The following CNOT6 variants were observed in gnomAD, a reference collection of about 807,000 sequenced individuals.
The protein encoded by CNOT6 is carbon catabolite repression 4 protein.
Under a neutral mutation model 61.2 loss-of-function variants are expected in CNOT6, and 12 were observed. The ratio of observed to expected loss-of-function variants is 0.20; its 90% CI spans 0.13 to 0.32. The LOEUF (loss-of-function observed/expected upper bound fraction) is 0.32. CNOT6 is among the 10% of genes least tolerant of loss of function. CNOT6 has a pLI of 1.00. For missense variants in CNOT6, 405 were observed against 663.9 expected, an observed-to-expected ratio of 0.61 and a Z score of 4.28; for synonymous variants, 225 against 240.6, an observed-to-expected ratio of 0.94 and a Z score of 0.60.
At chr5:180,546,130 A>C (rs1327851782) in intron 2 of CNOT6, among the ~76,000 whole-genome samples, 2 of 151,960 alleles carry the variant, frequency 1.3e-5, no homozygotes, top group East Asian at 3.9e-4. Context: ...TCCTGACCTC[A>C]TGATCCACCC....
chr5:180,503,327 A>G (rs774674005), intron 1 of CNOT6, among the ~76,000 whole-genome samples: 4 of 149,874 alleles, frequency 2.7e-5, no homozygotes, highest in Non-Finnish European at 4.4e-5. Flanking sequence ...GCAGTGGAGC[A>G]ATCTCGGCTC....
chr5:180,574,358 G>A lies in CNOT6; in HGVS notation c.*158G>A, dbSNP rs1330083160. On this transcript the variant is annotated 3_prime_UTR_variant, in exon 12 of 12. Transcript: ENST00000261951. ...TAAGGATATAGTATGAAAGCCAGGT[G>A]CTAGCAACAGACAAATTCTGAGCCC... is the stretch of plus-strand genomic sequence containing the variant. 1.6e-6 allele frequency: 1 copy of A among 644,434 alleles called. No homozygotes were observed. The highest frequency in any genetic ancestry group is 2.7e-6 in the Non-Finnish European group (1 of 369,606). 39.9% of individuals were successfully genotyped at this position (644,434 alleles called of 1,614,324 possible).
intron 2 of CNOT6, among the ~76,000 whole-genome samples, chr5:180,533,312 C>CAATA: frequency 7.8e-6 from 1 of 127,642 alleles, no homozygotes; most frequent in South Asian, 2.4e-4. Flanking sequence ...GGATGAAAAC[C>CAATA]TATATATATA....
chr5:180,498,023 A>G (rs1362101309), intron 1 of CNOT6, among the ~76,000 whole-genome samples: 2 of 151,992 alleles, frequency 1.3e-5, no homozygotes, highest in Admixed American at 6.6e-5. Flanking sequence ...AGCCTGGGCA[A>G]AAAGAGTGAA....
At chr5:180,551,784 A>G (rs1480015484) in intron 3 of CNOT6, among the ~76,000 whole-genome samples, 1 of 151,088 alleles carries the variant, frequency 6.6e-6, no homozygotes, top group Non-Finnish European at 1.5e-5. Context: ...CAGCCTTTTG[A>G]CTTTTTTTTA....
chr5:180,536,269 G>T (rs1758694529), intron 2 of CNOT6, among the ~76,000 whole-genome samples: 1 of 151,968 alleles, frequency 6.6e-6, no homozygotes, highest in Non-Finnish European at 1.5e-5. Context: ...AAAGTGCTGG[G>T]ATTACAGGTG....
At chr5:180,529,677 CAT>C (rs1330067183) in intron 2 of CNOT6, among the ~76,000 whole-genome samples, 1 of 152,194 alleles carries the variant, frequency 6.6e-6, no homozygotes, top group Non-Finnish European at 1.5e-5. Context: ...GAAAATAACA[CAT>C]GTGAAGTGCT....
At chr5:180,570,975 C>T (rs986112295) in intron 10 of CNOT6, among the ~76,000 whole-genome samples, 2 of 152,196 alleles carry the variant, frequency 1.3e-5, no homozygotes, top group Non-Finnish European at 2.9e-5. Flanking sequence ...ATATTATCCA[C>T]CAGCCCAATT....
Position 180,540,386 on chromosome 5 carries a change from A to G in CNOT6, c.113-9545A>G, listed in dbSNP as rs73363236. Reference sequence around the variant, plus strand: ...GTAATATTATACCATTTCACTCATAAAAGTCTTACAACAATATACAGGCAG... The same window carrying G: ...GTAATATTATACCATTTCACTCATAGAAGTCTTACAACAATATACAGGCAG... On this transcript the variant is annotated intron_variant, in intron 2 of 11. Coordinates refer to ENST00000261951, the MANE Select transcript of CNOT6 (RefSeq NM_001370472.1). Among the ~76,000 whole-genome samples the G allele has an allele frequency of 3.8e-3, 572 of 152,328 alleles. 3 individuals are homozygous for G. Among genetic ancestry groups the G allele is most frequent in the African/African-American group, 0.013 (536 of 41,568 alleles).
chr5:180,504,512 A>G (rs867795015), intron 1 of CNOT6, among the ~76,000 whole-genome samples: 11 of 152,334 alleles, frequency 7.2e-5, no homozygotes, highest in African/African-American at 2.2e-4. Flanking sequence ...CGGGGGCAGT[A>G]AATAGATTTT....
intron 1 of CNOT6, among the ~76,000 whole-genome samples, chr5:180,499,227 G>A (rs899801060): frequency 6.6e-6 from 1 of 152,218 alleles, no homozygotes; most frequent in Non-Finnish European, 1.5e-5. Flanking sequence ...GAAGTTAAAA[G>A]CAGTCAAAAC....
chr5:180,497,320 C>T (rs560067086), intron 1 of CNOT6, among the ~76,000 whole-genome samples: 14 of 93,460 alleles, frequency 1.5e-4, no homozygotes, highest in Admixed American at 1.4e-3. Flanking sequence ...AGTGAAACTC[C>T]GTCTCAAAAA....
intron 2 of CNOT6, among the ~76,000 whole-genome samples, chr5:180,530,887 A>C (rs922298153): frequency 1.3e-5 from 2 of 152,184 alleles, no homozygotes; most frequent in African/African-American, 4.8e-5. Context: ...GTTGGGGGTA[A>C]GGTTATAGAT....
chr5:180,538,197 G>A (rs562618584), intron 2 of CNOT6, among the ~76,000 whole-genome samples: 9 of 151,680 alleles, frequency 5.9e-5, no homozygotes, highest in Admixed American at 2.6e-4. Flanking sequence ...CGCCACAACT[G>A]CCGGCTAATT....
Position 180,567,914 on chromosome 5 carries a change from C to G in CNOT6, c.938C>G (p.Ser313Cys), listed in dbSNP as rs1379032675. 6.2e-7 allele frequency: 1 copy of G among 1,614,120 alleles called. No homozygotes were observed. Among genetic ancestry groups the G allele is most frequent in the East Asian group, 2.2e-5 (1 of 44,872 alleles). ...CTAGCCATGGCAAATTCTGAGGGGT[C>G]TGAAGCTATGCTGAACAGAGTCATG... ...NQLAMANSEG[S>C]EAMLNRVMTK... Residue 313 changes from serine to cysteine, a missense_variant, in exon 9 of 12, where the codon TCT becomes TGT. By Grantham distance (112) the Ser-to-Cys change is moderately radical. Transcript: ENST00000261951.
chr5:180,570,023 G>A (rs1352698920), intron 10 of CNOT6, among the ~76,000 whole-genome samples: 1 of 152,076 alleles, frequency 6.6e-6, no homozygotes, highest in Non-Finnish European at 1.5e-5. Context: ...ACGCACATTT[G>A]GAAGCACGTT....
chr5:180,499,701 C>T (rs1004078894), intron 1 of CNOT6, among the ~76,000 whole-genome samples: 1 of 152,008 alleles, frequency 6.6e-6, no homozygotes, highest in African/African-American at 2.4e-5. Context: ...CAGTTTTACA[C>T]GTTGAATGGT....
intron 4 of CNOT6, 89 bp downstream of exon 4, chr5:180,553,560 T>G (rs1759723360): frequency 1.1e-6 from 1 of 918,850 alleles, no homozygotes; most frequent in Admixed American, 2.4e-5. Context: ...GGGGATTCTT[T>G]TAAAGACTCA....
intron 1 of CNOT6, among the ~76,000 whole-genome samples, chr5:180,507,074 T>A (rs1411550679): frequency 6.6e-6 from 1 of 152,142 alleles, no homozygotes; most frequent in Non-Finnish European, 1.5e-5. Flanking sequence ...TGTTTTAAAG[T>A]TGAATGTCTG....
Sources: gnomAD v4.1 joint callset for allele counts (sites outside exome capture counted in the v4.1 genomes callset) on GRCh38, gnomAD v4.1.1 for gene constraint, MANE v1.5 for transcripts, NCBI Gene and HGNC (gene_info 2026-07-23, HGNC 2026-07-21) for gene names.